UBE2L3: variants seen among roughly 807,000 people sequenced by gnomAD.
UBE2L3 encodes ubiquitin-conjugating enzyme E2 L3.
Under a neutral mutation model 17.8 loss-of-function variants are expected in UBE2L3, and 1 was observed. The ratio of observed to expected loss-of-function variants is 0.06; its 90% CI spans 0.02 to 0.27. The LOEUF is 0.27. Ranked by LOEUF, UBE2L3 falls within the 10% of genes least tolerant of loss-of-function variation. The pLI, the probability that UBE2L3 is intolerant of heterozygous loss-of-function variation, is 1.00. For missense variants in UBE2L3, 40 were observed against 192.6 expected (o/e 0.21, Z 4.69); for synonymous variants, 44 against 68.5 (o/e 0.64, Z 1.76).
chr22:21,605,830 T>C (rs546697300), intron 2 of UBE2L3, among the ~76,000 whole-genome samples: 30 of 151,776 alleles, frequency 2.0e-4, no homozygotes, highest in Non-Finnish European at 3.7e-4. Context: ...TTGAGACAGG[T>C]TCTCATTCTG....
At chr22:21,608,132 C>G (rs1415091318) in intron 2 of UBE2L3, among the ~76,000 whole-genome samples, 2 of 152,220 alleles carry the variant, frequency 1.3e-5, no homozygotes, top group African/African-American at 4.8e-5. Context: ...ATCCAGAACA[C>G]TGCCAAATGC....
chr22:21,605,703 A>G (rs1419046021), intron 2 of UBE2L3, among the ~76,000 whole-genome samples: 2 of 152,106 alleles, frequency 1.3e-5, no homozygotes, highest in Admixed American at 6.6e-5. Context: ...ACGGGGTTTC[A>G]CCATGTTGGC....
chr22:21,591,468 C>T (rs1021385492), intron 1 of UBE2L3, among the ~76,000 whole-genome samples: 16 of 152,202 alleles, frequency 1.1e-4, no homozygotes, highest in Admixed American at 5.9e-4. Context: ...TGTTCCACCT[C>T]TTCCGTGTAT....
chr22:21,562,187 C>CTT (rs902083971), intron 1 of UBE2L3, among the ~76,000 whole-genome samples: 3 of 141,920 alleles, frequency 2.1e-5, no homozygotes, highest in African/African-American at 5.5e-5. Flanking sequence ...CTGTGTACCT[C>CTT]TTTTTTTTTT....
chr22:21,596,050 A>T (rs1601421598), intron 2 of UBE2L3, among the ~76,000 whole-genome samples: 1 of 151,460 alleles, frequency 6.6e-6, no homozygotes, highest in African/African-American at 2.4e-5. Flanking sequence ...ATTTTTAGTA[A>T]AGACGGGGTT....
At chr22:21,569,667 C>T (rs572637332) in intron 1 of UBE2L3, among the ~76,000 whole-genome samples, 5 of 152,252 alleles carry the variant, frequency 3.3e-5, no homozygotes, top group South Asian at 2.1e-4. Flanking sequence ...GAAAGCAATC[C>T]CTTGAGCCTC....
chr22:21,603,910 T>C (rs973864849), intron 2 of UBE2L3, among the ~76,000 whole-genome samples: 26 of 142,158 alleles, frequency 1.8e-4, no homozygotes, highest in Non-Finnish European at 4.0e-4. Context: ...TTTTTTGATT[T>C]TTTTTTTTTT....
chr22:21,576,000 A>G (rs933736001), intron 1 of UBE2L3, among the ~76,000 whole-genome samples: 1 of 151,908 alleles, frequency 6.6e-6, no homozygotes, highest in African/African-American at 2.4e-5. Context: ...TACCTTGCAT[A>G]TTGTAAACAT....
At chr22:21,575,915 C>T (rs1927266742) in intron 1 of UBE2L3, among the ~76,000 whole-genome samples, 1 of 151,886 alleles carries the variant, frequency 6.6e-6, no homozygotes, top group South Asian at 2.1e-4. Context: ...GGATTACAGG[C>T]GTGAGCCACT....
Position 21,568,000 on chromosome 22 carries a change from C to T in UBE2L3, c.27+229C>T, listed in dbSNP as rs1395798120. On this transcript the variant is annotated intron_variant, in intron 1 of 3. Transcript: ENST00000342192. ...GGGAGCCGCTGTCGGCCCCTCAGCC[C>T]GGCCCGGGGCGTTCACGCCACTCTC... 20 of 1,341,952 alleles carry T rather than the reference C, an allele frequency of 1.5e-5. No homozygotes were observed. In the East Asian group the frequency reaches 3.1e-4, roughly 21 times the overall value. 83.1% of individuals were successfully genotyped at this position (1,341,952 alleles called of 1,614,324 possible). A position where few individuals can be genotyped will look rare whatever the true frequency, so the allele number is the denominator to read the frequency against.
chr22:21,614,050 A>G (rs943540620), intron 3 of UBE2L3, among the ~76,000 whole-genome samples: 1 of 152,202 alleles, frequency 6.6e-6, no homozygotes, highest in African/African-American at 2.4e-5. Flanking sequence ...CAGAGGTGGG[A>G]CAGGCAGGCA....
At chr22:21,593,210 T>G (rs2148422938) in intron 2 of UBE2L3, among the ~76,000 whole-genome samples, 1 of 151,776 alleles carries the variant, frequency 6.6e-6, no homozygotes, top group Middle Eastern at 3.4e-3. Context: ...AGAAAAGGAG[T>G]GTGTCTGTGC....
At chr22:21,590,307 C>T (rs1214662429) in intron 1 of UBE2L3, among the ~76,000 whole-genome samples, 3 of 152,176 alleles carry the variant, frequency 2.0e-5, no homozygotes, top group Non-Finnish European at 4.4e-5. Flanking sequence ...GAGCGATTCT[C>T]CTGCCTCAGC....
chr22:21,589,443 G>A (rs947629282), intron 1 of UBE2L3, among the ~76,000 whole-genome samples: 3 of 152,204 alleles, frequency 2.0e-5, no homozygotes, highest in Admixed American at 6.5e-5. Flanking sequence ...CACTGCGCCC[G>A]GCATGATTGG....
chr22:21,582,325 G>A (rs1171789564), intron 1 of UBE2L3, among the ~76,000 whole-genome samples: 2 of 151,140 alleles, frequency 1.3e-5, no homozygotes, highest in African/African-American at 4.9e-5. Context: ...AAGAAACTGG[G>A]TGGTATGAAT....
chr22:21,568,181 G>T (rs1481804500), intron 1 of UBE2L3: 1 of 999,910 alleles, frequency 1.0e-6, no homozygotes, highest in Non-Finnish European at 1.2e-6. Flanking sequence ...CCGCGGAACC[G>T]CCCCGCCCTG....
intron 3 of UBE2L3, among the ~76,000 whole-genome samples, chr22:21,619,321 C>T (rs1022321062): frequency 2.0e-5 from 3 of 152,158 alleles, no homozygotes; most frequent in African/African-American, 7.2e-5. Flanking sequence ...GGAGGTGATA[C>T]CACCTACCCC....
At chr22:21,612,335 T>C (rs1929521170) in intron 3 of UBE2L3, among the ~76,000 whole-genome samples, 2 of 152,162 alleles carry the variant, frequency 1.3e-5, no homozygotes, top group South Asian at 2.1e-4. Context: ...TTCTTTTCTT[T>C]TCTTTTTTGG....
At chr22:21,568,138 C>G (rs530972670) in intron 1 of UBE2L3, 4 of 1,035,824 alleles carry the variant, frequency 3.9e-6, no homozygotes, top group Non-Finnish European at 4.6e-6. Flanking sequence ...TCGGGGAAGG[C>G]CCGAGCGCCG....
Sources: gnomAD v4.1 joint callset for allele counts (sites outside exome capture counted in the v4.1 genomes callset) on GRCh38, gnomAD v4.1.1 for gene constraint, MANE v1.5 for transcripts, NCBI Gene and HGNC (gene_info 2026-07-23, HGNC 2026-07-21) for gene names.